VWDE: variants seen among roughly 807,000 people sequenced by gnomAD.
The protein encoded by VWDE is von Willebrand factor D and EGF domains.
VWDE carries 207 observed loss-of-function variants against 178.4 expected under a neutral mutation model. That is an observed-to-expected ratio of 1.16 (90% CI 1.04 to 1.30). The LOEUF is 1.30. Ranked by LOEUF, VWDE falls within the 50% of genes most tolerant of loss-of-function variation. The probability of loss-of-function intolerance (pLI) is 0.00; values close to 1 mark genes in which losing one functional copy is unlikely to be tolerated. For synonymous variants in VWDE, 738 were observed against 651.4 expected (o/e 1.13, Z -2.02); for missense variants, 2,287 against 1,901.3 (o/e 1.20, Z -3.77).
At chr7:12,335,247 A>G (rs1780953397) in intron 27 of VWDE, among the ~76,000 whole-genome samples, 1 of 152,164 alleles carries the variant, frequency 6.6e-6, no homozygotes. Context: ...TTTTCCCATT[A>G]AGTTAATCAT....
At position 12,336,989 on chromosome 7, in the gene VWDE, T is replaced by C. The variant is rs1781070286; in HGVS notation, c.4557A>G (p.Thr1519=). 1 of 1,550,176 alleles carries C rather than the reference T, an allele frequency of 6.5e-7. No individual in the cohort carries two copies. Among genetic ancestry groups the C allele is most frequent in the East Asian group, 2.4e-5 (1 of 40,910 alleles). Residue 1519 remains threonine (T), a splice_region_variant and synonymous_variant, in exon 26 of 29, where the codon ACA becomes ACG. Transcript: ENST00000275358. Reference sequence around the variant, plus strand: ...GTGTTTTAAGAGTATTCCTCTTACGTGTGTTGCATCGTTTCCCACTCCAAC... The same window carrying C: ...GTGTTTTAAGAGTATTCCTCTTACGCGTGTTGCATCGTTTCCCACTCCAAC... ...PSGWSGKRCN[T]PICLQKCKNG...
intron 13 of VWDE, among the ~76,000 whole-genome samples, chr7:12,367,047 T>C (rs1177962007): frequency 6.6e-6 from 1 of 152,082 alleles, no homozygotes; most frequent in African/African-American, 2.4e-5. Flanking sequence ...CTAAAAACAA[T>C]GTCTCTTCTT....
In VWDE at chr7:12,370,185, G is replaced by A. The variant is rs550028212; in HGVS notation, c.2121C>T (p.Leu707=). ...QEKKHINLTK[L]GLNVQKHPGN... is the part of the protein sequence containing the mutation. ...CAGGATGTTTTTGTACATTTAAGCC[G>A]AGTTTAGTCAGGTTTATGTGTTTTT... is the stretch of plus-strand genomic sequence containing the variant. The change falls in exon 12 of 29, where the codon CTC becomes CTT. Residue 707 remains leucine (L), a synonymous_variant. Transcript: ENST00000275358. 276 of 1,551,346 alleles carry A rather than the reference G, an allele frequency of 1.8e-4. No individual in the cohort carries two copies. The highest frequency in any genetic ancestry group is 2.9e-4 in the African/African-American group (21 of 73,108).
rs1172837738 is a variant in VWDE at position 12,331,251 on chromosome 7, C to T, written c.4759-54G>A. On this transcript the variant is annotated intron_variant, in intron 28 of 28. Coordinates refer to ENST00000275358, the MANE Select transcript of VWDE (RefSeq NM_001135924.3). ...CAATGAATAGTATAAAATCATTTAA[C>T]CCTTACTCATTATTTGTTGCCTCCT... 6 of 1,463,846 alleles carry T rather than the reference C, an allele frequency of 4.1e-6. No homozygotes were observed. In the African/African-American group the frequency reaches 7.1e-5, roughly 17 times the overall value. The allele number at this position is 1,463,846 out of a possible 1,614,324, so 90.7% of individuals were successfully genotyped here.
chr7:12,342,039 G>A lies in VWDE; in HGVS notation c.4270+20C>T. The A allele has an allele frequency of 1.1e-5, 17 of 1,533,100 alleles. No individual in the cohort carries two copies. Among genetic ancestry groups the A allele is most frequent in the Non-Finnish European group, 1.3e-5 (15 of 1,131,022 alleles). 95.0% of individuals were successfully genotyped at this position (1,533,100 alleles called of 1,614,324 possible). On this transcript the variant is annotated intron_variant, in intron 23 of 28. Coordinates refer to ENST00000275358, the MANE Select transcript of VWDE (RefSeq NM_001135924.3). ...TTAACTTTTAATTGACATGTTCATT[G>A]AAAATATTTCCAATTTTACCTGTAC...
intron 20 of VWDE, 32 bp downstream of exon 20, chr7:12,344,342 T>A: frequency 6.5e-7 from 1 of 1,549,186 alleles, no homozygotes; most frequent in Admixed American, 2.0e-5. Flanking sequence ...AAATACAATT[T>A]ATCATGCAAA....
At chr7:12,392,359 T>C (rs1406438003) in intron 2 of VWDE, among the ~76,000 whole-genome samples, 1 of 152,208 alleles carries the variant, frequency 6.6e-6, no homozygotes, top group Non-Finnish European at 1.5e-5. Context: ...GGGCTTAGTG[T>C]TTTGACAGAT....
rs111708275 is a variant in VWDE at position 12,370,465 on chromosome 7, A to T, written c.1841T>A (p.Met614Lys). The change falls in exon 12 of 29, where the codon ATG becomes AAG. Residue 614 changes from methionine (M) to lysine (K), a missense_variant. Met to Lys is a moderately conservative substitution (Grantham distance 95). Transcript: ENST00000275358. ...ATAGGATGGCTTTCCAGGTGATGTC[A>T]TAGAAACTGGCAGTGTGTCAGACAT... ...KSMSDTLPVSMTSPGKPSYCS... is the reference protein window; with the variant it reads ...KSMSDTLPVSKTSPGKPSYCS... 27 of 1,542,408 alleles carry T rather than the reference A, an allele frequency of 1.8e-5. No homozygotes were observed. In the African/African-American group the frequency reaches 1.9e-4, roughly 11 times the overall value.
At chr7:12,386,019 T>C (rs1784081091) in intron 3 of VWDE, among the ~76,000 whole-genome samples, 1 of 152,146 alleles carries the variant, frequency 6.6e-6, no homozygotes, top group Non-Finnish European at 1.5e-5. Context: ...AAAATATTTG[T>C]GGTGAAGTGA....
At position 12,377,911 on chromosome 7, in the gene VWDE, C is replaced by G; in HGVS notation, c.889G>C (p.Glu297Gln). 7.0e-7 allele frequency: 1 copy of G among 1,432,106 alleles called. No homozygotes were observed. The highest frequency in any genetic ancestry group is 1.7e-5 in the South Asian group (1 of 59,670). The allele number at this position is 1,432,106 out of a possible 1,614,324, so 88.7% of individuals were successfully genotyped here. The change falls in exon 7 of 29, where the codon GAA (glutamate) becomes CAA (glutamine). Residue 297 changes from glutamate (E) to glutamine (Q), a missense_variant. Physicochemically the swap from Glu to Gln is conservative, Grantham distance 29 (BLOSUM62 2). Coordinates refer to ENST00000275358, the MANE Select transcript of VWDE (RefSeq NM_001135924.3). ...EFFAGFKLQP[E>Q]LSTISEDGKE... ...CCATCCTCTGATATAGTGCTCAATT[C>G]AGGCTGTAGCTGGTATAAGAAAATA...
At chr7:12,357,122 G>C (rs1294558157) in intron 17 of VWDE, 143 bp downstream of exon 17, 5 of 1,079,932 alleles carry the variant, frequency 4.6e-6, no homozygotes, top group Non-Finnish European at 6.5e-6. Context: ...AATAGTCAAA[G>C]TTTCGGCAGT....
At chr7:12,394,317 T>A (rs1583355133) in intron 1 of VWDE, among the ~76,000 whole-genome samples, 1 of 152,030 alleles carries the variant, frequency 6.6e-6, no homozygotes, top group South Asian at 2.1e-4. Context: ...AGAAAAACAT[T>A]AAAAATTTTA....
intron 4 of VWDE, among the ~76,000 whole-genome samples, chr7:12,381,448 C>T (rs1783847701): frequency 6.6e-6 from 1 of 151,962 alleles, no homozygotes; most frequent in African/African-American, 2.4e-5. Flanking sequence ...TTAAAATGTT[C>T]TAAAATAATT....
At chr7:12,368,632 A>C (rs1326921010) in intron 12 of VWDE, among the ~76,000 whole-genome samples, 1 of 152,080 alleles carries the variant, frequency 6.6e-6, no homozygotes, top group Non-Finnish European at 1.5e-5. Context: ...CATGGTAGGG[A>C]TTGTGGACTT....
intron 27 of VWDE, among the ~76,000 whole-genome samples, 169 bp downstream of exon 27, chr7:12,335,972 G>A (rs1407507300): frequency 6.6e-6 from 1 of 151,842 alleles, no homozygotes; most frequent in Non-Finnish European, 1.5e-5. Context: ...TCTTTTAAAT[G>A]GATATAAAAT....
At chr7:12,338,627 A>T (rs963379461) in intron 24 of VWDE, among the ~76,000 whole-genome samples, 4 of 152,134 alleles carry the variant, frequency 2.6e-5, no homozygotes, top group Non-Finnish European at 5.9e-5. Context: ...GTCTACCCAT[A>T]GTCTCACATT....
chr7:12,390,974 G>A (rs931835179), intron 2 of VWDE, among the ~76,000 whole-genome samples: 2 of 152,096 alleles, frequency 1.3e-5, no homozygotes, highest in African/African-American at 4.8e-5. Context: ...GCAAAATCCT[G>A]AATGTCCACA....
rs2128548235 is a variant in VWDE at position 12,346,237 on chromosome 7, A to AAC, written c.3887-1770_3887-1769dup. 2.0e-5 allele frequency among the ~76,000 whole-genome samples: 3 copies of AAC among 152,270 alleles called. No individual in the cohort carries two copies. The South Asian group carries it at 6.2e-4, about 32-fold the overall frequency. ...CATTAAGATTTTGAAATGGCTAACAAACACCTGTTGATCACCTCATACACA... is the reference window on the plus strand; with the variant it reads ...CATTAAGATTTTGAAATGGCTAACAAACACACCTGTTGATCACCTCATACACA... On this transcript the variant is annotated intron_variant, in intron 19 of 28. Transcript: ENST00000275358.
At chr7:12,397,663 C>T (rs181778523) in intron 1 of VWDE, among the ~76,000 whole-genome samples, 97 of 152,100 alleles carry the variant, frequency 6.4e-4, no homozygotes, top group African/African-American at 2.1e-3. Flanking sequence ...TCACAAACTA[C>T]GCATCTGAAA....
Sources: allele counts gnomAD v4.1 joint callset (sites outside exome capture counted in the v4.1 genomes callset), GRCh38; gene constraint gnomAD v4.1.1; transcripts MANE v1.5; gene names NCBI Gene and HGNC (gene_info 2026-07-23, HGNC 2026-07-21).